DGUOK: variants seen among roughly 807,000 people sequenced by gnomAD.
The protein encoded by DGUOK is deoxyguanosine kinase, mitochondrial.
DGUOK carries 30 observed loss-of-function variants against 36.6 expected under a neutral mutation model. The ratio of observed to expected loss-of-function variants is 0.82; its 90% CI spans 0.61 to 1.11. The LOEUF (loss-of-function observed/expected upper bound fraction) is 1.11, where lower values mean the gene tolerates loss of function less well. DGUOK is among the 50% of genes most tolerant of loss of function. The probability of loss-of-function intolerance (pLI) is 0.00; values close to 1 mark genes in which losing one functional copy is unlikely to be tolerated. For missense variants in DGUOK, 361 were observed against 336.4 expected (o/e 1.07, Z -0.57); for synonymous variants, 145 against 126.3 (o/e 1.15, Z -0.99).
At chr2:73,932,060 CA>C (rs1288843658) in intron 1 of DGUOK, among the ~76,000 whole-genome samples, 2 of 152,042 alleles carry the variant, frequency 1.3e-5, no homozygotes, top group Admixed American at 6.6e-5. Flanking sequence ...TGTTCTGAGA[CA>C]GATTGGAATA....
chr2:73,955,413 T>G (rs1360672636), intron 4 of DGUOK, among the ~76,000 whole-genome samples: 2 of 152,222 alleles, frequency 1.3e-5, no homozygotes, highest in Non-Finnish European at 2.9e-5. Flanking sequence ...CAGTATATAA[T>G]TGCAAGTGCA....
chr2:73,950,778 TAAG>T lies in DGUOK; in HGVS notation c.591+50_591+52del, dbSNP rs768849040. 4.3e-6 allele frequency: 7 copies of T among 1,611,982 alleles called. No homozygotes were observed. In the South Asian group the frequency reaches 6.6e-5, roughly 15 times the overall value. On this transcript the variant is annotated intron_variant, in intron 4 of 6. Coordinates refer to ENST00000264093, the MANE Select transcript of DGUOK (RefSeq NM_080916.3). ...TTAGACTTTAGGGCCATATGAAACC[TAAG>T]AAGTGACATTCTCCAAGCCCCTGAT...
chr2:73,956,105 A>G (rs1464404656), intron 4 of DGUOK, among the ~76,000 whole-genome samples: 1 of 152,120 alleles, frequency 6.6e-6, no homozygotes, highest in Non-Finnish European at 1.5e-5. Context: ...GGCAGTTGAG[A>G]AGTAGGAGGG....
At chr2:73,948,463 T>C (rs1573553838) in intron 3 of DGUOK, among the ~76,000 whole-genome samples, 1 of 152,338 alleles carries the variant, frequency 6.6e-6, no homozygotes, top group South Asian at 2.1e-4. Context: ...GGAAAACTAA[T>C]CACAAGTTCT....
At chr2:73,943,944 GC>G (rs1034781856) in intron 2 of DGUOK, among the ~76,000 whole-genome samples, 1 of 152,134 alleles carries the variant, frequency 6.6e-6, no homozygotes, top group African/African-American at 2.4e-5. Context: ...ACCATGTCCA[GC>G]CCCTAGGGAG....
intron 1 of DGUOK, among the ~76,000 whole-genome samples, chr2:73,927,807 G>C (rs547323008): frequency 6.6e-6 from 1 of 152,346 alleles, no homozygotes; most frequent in African/African-American, 2.4e-5. Flanking sequence ...AATAAATTCT[G>C]ACTTGATACT....
chr2:73,957,071 T>C (rs887646839), intron 4 of DGUOK, 54 bp from the exon 5 acceptor site: 2 of 1,322,044 alleles, frequency 1.5e-6, no homozygotes, highest in South Asian at 1.2e-5. Flanking sequence ...GAAGACTGCA[T>C]TGTAGCAGCC....
At chr2:73,950,954 G>A (rs977800359) in intron 4 of DGUOK, among the ~76,000 whole-genome samples, 1 of 152,140 alleles carries the variant, frequency 6.6e-6, no homozygotes, top group Non-Finnish European at 1.5e-5. Flanking sequence ...TAAAAGGATT[G>A]CTGTTGATGT....
chr2:73,929,648 AAAAC>A (rs1377668897), intron 1 of DGUOK, among the ~76,000 whole-genome samples: 2 of 152,202 alleles, frequency 1.3e-5, no homozygotes, highest in Non-Finnish European at 2.9e-5. Flanking sequence ...GTAGGAGAAA[AAAAC>A]AAAAGAGAAT....
intron 4 of DGUOK, 145 bp from the exon 5 acceptor site, chr2:73,956,980 C>CCGA: frequency 5.7e-6 from 3 of 522,512 alleles, no homozygotes; most frequent in South Asian, 2.8e-5. Flanking sequence ...CCTCTGATTG[C>CCGA]ATAAGAAAAC....
At chr2:73,932,756 G>A in intron 1 of DGUOK, 1 of 801,916 alleles carries the variant, frequency 1.2e-6, no homozygotes, top group South Asian at 1.8e-5. Context: ...GGTGCAGACA[G>A]CGGCATGTAA....
chr2:73,942,630 A>G (rs937393369), intron 2 of DGUOK, among the ~76,000 whole-genome samples: 1 of 152,286 alleles, frequency 6.6e-6, no homozygotes, highest in Middle Eastern at 3.4e-3. Flanking sequence ...AGTTTTGGAA[A>G]ATAATAGTTG....
At chr2:73,927,113 G>C in intron 1 of DGUOK, 61 bp downstream of exon 1, 1 of 1,598,520 alleles carries the variant, frequency 6.3e-7, no homozygotes, top group Non-Finnish European at 8.5e-7. Context: ...CAGAGGCTGG[G>C]AAAGGAGCTG....
In DGUOK at chr2:73,938,972, A is replaced by G. The variant is rs1443774388; in HGVS notation, c.205A>G (p.Thr69Ala). 1.2e-6 allele frequency: 2 copies of G among 1,614,120 alleles called. No homozygotes were observed. The highest frequency in any genetic ancestry group is 1.3e-5 in the African/African-American group (1 of 75,048). Residue 69 changes from threonine to alanine, a missense_variant, in exon 2 of 7, where the codon ACA (threonine) becomes GCA (alanine). Transcript: ENST00000264093. ...TKTYPEWHVATEPVATWQNIQ... is the reference protein window; with the variant it reads ...TKTYPEWHVAAEPVATWQNIQ... The stretch of plus-strand genomic sequence containing the variant: ...AACTTACCCAGAATGGCACGTAGCT[A>G]CAGAACCTGTAGCAACATGGCAGAA...
chr2:73,939,995 G>A lies in DGUOK; in HGVS notation c.255+973G>A, dbSNP rs1030915820. Among the ~76,000 whole-genome samples the A allele has an allele frequency of 4.0e-5, 6 of 148,818 alleles. No individual in the cohort carries two copies. The Admixed American group carries it at 4.0e-4, about 10-fold the overall frequency. ...CGGCCCACTGTAACCTCCAACTCCT[G>A]GGTTCAAGTGATTCTCATGCCTCAG... is the stretch of plus-strand genomic sequence containing the variant. On this transcript the variant is annotated intron_variant, in intron 2 of 6. Coordinates refer to ENST00000264093, the MANE Select transcript of DGUOK (RefSeq NM_080916.3).
In DGUOK at chr2:73,958,930, A is replaced by G; in HGVS notation, c.*194A>G. ...TTTGTACCTGAAGCATTTTGAAAATAAAGTTTACTTAAGTTATGCTTGTTT... is the reference window on the plus strand; with the variant it reads ...TTTGTACCTGAAGCATTTTGAAAATGAAGTTTACTTAAGTTATGCTTGTTT... On this transcript the variant is annotated 3_prime_UTR_variant, in exon 7 of 7. Transcript: ENST00000264093. 1 of 613,370 alleles carries G rather than the reference A, an allele frequency of 1.6e-6. No individual in the cohort carries two copies. The highest frequency in any genetic ancestry group is 2.9e-6 in the Non-Finnish European group (1 of 342,584). The allele number at this position is 613,370 out of a possible 1,614,324, so 38.0% of individuals were successfully genotyped here. A position where few individuals can be genotyped will look rare whatever the true frequency, so the allele number is the denominator to read the frequency against.
chr2:73,954,918 T>A (rs912950621), intron 4 of DGUOK, among the ~76,000 whole-genome samples: 5 of 152,120 alleles, frequency 3.3e-5, no homozygotes, highest in Non-Finnish European at 7.4e-5. Flanking sequence ...TGAAGAGGGG[T>A]CAGACTAAAG....
chr2:73,946,683 C>T, intron 2 of DGUOK, 36 bp from the exon 3 acceptor site: 1 of 1,603,934 alleles, frequency 6.2e-7, no homozygotes, highest in African/African-American at 1.3e-5. Context: ...AATATGCTTT[C>T]TAGGAAATTT....
At chr2:73,942,776 T>C (rs907291907) in intron 2 of DGUOK, among the ~76,000 whole-genome samples, 3 of 152,234 alleles carry the variant, frequency 2.0e-5, no homozygotes, top group African/African-American at 7.2e-5. Context: ...TATCTTGTTC[T>C]GTCATTAATG....
Sources: gnomAD v4.1 joint callset for allele counts (sites outside exome capture counted in the v4.1 genomes callset) on GRCh38, gnomAD v4.1.1 for gene constraint, MANE v1.5 for transcripts, NCBI Gene and HGNC (gene_info 2026-07-23, HGNC 2026-07-21) for gene names.